The following WBP2NL variants were observed in gnomAD, a reference collection of about 807,000 sequenced individuals.
WBP2NL encodes the protein postacrosomal sheath WW domain-binding protein.
In WBP2NL, 27 loss-of-function variants were observed where a neutral mutation model predicts 23.3. That is an observed-to-expected ratio of 1.16 (90% CI 0.85 to 1.60). The LOEUF is 1.60. Among genes scored for constraint, WBP2NL ranks in the 40% most tolerant of loss-of-function variants. The pLI, the probability that WBP2NL is intolerant of heterozygous loss-of-function variation, is 0.00. For synonymous variants in WBP2NL, 151 were observed against 145.9 expected (o/e 1.03, Z -0.25); for missense variants, 370 against 389.5 (o/e 0.95, Z 0.42).
chr22:42,026,644 T>A (rs1027450220), intron 5 of WBP2NL, 122 bp from the exon 6 acceptor site: 7 of 1,454,734 alleles, frequency 4.8e-6, no homozygotes, highest in Middle Eastern at 2.4e-4. Context: ...GCTTTAGCAT[T>A]ATTCTGCCTG....
chr22:42,020,280 T>G (rs1280020566), intron 4 of WBP2NL, among the ~76,000 whole-genome samples, 184 bp downstream of exon 4: 1 of 152,106 alleles, frequency 6.6e-6, no homozygotes, highest in Non-Finnish European at 1.5e-5. Flanking sequence ...ACTCAAATGA[T>G]CCTCTTGCCT....
chr22:42,056,619 T>A (rs1210220119), intron 8 of WBP2NL, among the ~76,000 whole-genome samples: 3 of 152,210 alleles, frequency 2.0e-5, no homozygotes, highest in African/African-American at 7.2e-5. Flanking sequence ...GCCTTCATTT[T>A]TGAAAGATAG....
chr22:42,041,814 T>C (rs1391507039), intron 8 of WBP2NL, among the ~76,000 whole-genome samples: 1 of 152,216 alleles, frequency 6.6e-6, no homozygotes, highest in Non-Finnish European at 1.5e-5. Context: ...CATTGCTGAT[T>C]AGGATGTTTT....
chr22:42,007,508 A>C (rs1017419888), intron 1 of WBP2NL, among the ~76,000 whole-genome samples: 1 of 152,186 alleles, frequency 6.6e-6, no homozygotes, highest in African/African-American at 2.4e-5. Context: ...CTGAGTGCCC[A>C]CTTCACCATA....
intron 8 of WBP2NL, among the ~76,000 whole-genome samples, chr22:42,046,930 A>C (rs1403816018): frequency 6.6e-6 from 1 of 152,198 alleles, no homozygotes; most frequent in Non-Finnish European, 1.5e-5. Flanking sequence ...ATACACTCCT[A>C]AATCAGTGTG....
intron 8 of WBP2NL, among the ~76,000 whole-genome samples, chr22:42,057,760 A>C (rs1926097233): frequency 6.7e-6 from 1 of 148,922 alleles, no homozygotes. Context: ...GCAAAAACTG[A>C]ACATAGATTG....
At chr22:42,006,283 C>T (rs368872016) in intron 1 of WBP2NL, among the ~76,000 whole-genome samples, 1 of 151,164 alleles carries the variant, frequency 6.6e-6, no homozygotes, top group Non-Finnish European at 1.5e-5. Context: ...TGCAGTGGCA[C>T]GATCTCCGCT....
rs563141209 is a variant in WBP2NL at position 42,001,509 on chromosome 22, A to T, written c.62+2629A>T. The T allele has an allele frequency of 3.0e-6, 3 of 990,776 alleles. No homozygotes were observed. The Admixed American group carries it at 5.3e-5, about 17-fold the overall frequency. The allele number at this position is 990,776 out of a possible 1,614,324, so 61.4% of individuals were successfully genotyped here. A position where few individuals can be genotyped will look rare whatever the true frequency, so the allele number is the denominator to read the frequency against. On this transcript the variant is annotated intron_variant, in intron 1 of 5. Coordinates refer to ENST00000328823, the MANE Select transcript of WBP2NL (RefSeq NM_152613.3). Reference sequence around the variant, plus strand: ...ACTAGGCAGTCACCGAAACCTCGCAATTCCCTTTCAGCTCCAGCTTTGCCC... The same window carrying T: ...ACTAGGCAGTCACCGAAACCTCGCATTTCCCTTTCAGCTCCAGCTTTGCCC...
chr22:42,050,333 T>G (rs1038858428), intron 8 of WBP2NL, among the ~76,000 whole-genome samples: 3 of 150,120 alleles, frequency 2.0e-5, no homozygotes, highest in Admixed American at 6.6e-5. Flanking sequence ...ACTCAATAAT[T>G]AAAAAAACAA....
At chr22:42,006,953 C>G (rs536066968) in intron 1 of WBP2NL, among the ~76,000 whole-genome samples, 1 of 152,158 alleles carries the variant, frequency 6.6e-6, no homozygotes, top group Non-Finnish European at 1.5e-5. Context: ...TGCTGGAAAC[C>G]TGTCATTATA....
downstream of WBP2NL, chr22:42,032,116 C>G (rs1408608935): frequency 6.6e-6 from 1 of 152,186 alleles, no homozygotes; most frequent in East Asian, 1.9e-4. Context: ...CTCACAAATC[C>G]TAAGATTATG....
chr22:42,000,145 A>G (rs1163643936), intron 1 of WBP2NL, among the ~76,000 whole-genome samples: 4 of 152,212 alleles, frequency 2.6e-5, no homozygotes, highest in Admixed American at 2.6e-4. Context: ...CAGCACACTC[A>G]GGTCAGTTTG....
intron 1 of WBP2NL, chr22:42,003,158 C>CAAAA: frequency 1.4e-5 from 2 of 140,072 alleles, no homozygotes; most frequent in Non-Finnish European, 1.5e-5. Flanking sequence ...AACTCCATCT[C>CAAAA]AAAAAAAAAA....
chr22:42,042,463 G>A (rs540800675), intron 8 of WBP2NL, among the ~76,000 whole-genome samples: 5 of 151,994 alleles, frequency 3.3e-5, no homozygotes, highest in South Asian at 2.1e-4. Context: ...ATTGCATTTT[G>A]TAGTTCAGTC....
rs2301521 is a variant in WBP2NL, at chr22:42,027,106, G to C, written c.855G>C (p.Gln285His). Reference protein sequence around the residue: ...ASPAGSGARPQESTAAQAPEN... With the variant: ...ASPAGSGARPHESTAAQAPEN... ...CTGCTGGATCAGGAGCCAGGCCTCA[G>C]GAATCTACAGCAGCCCAGGCTCCTG... Residue 285 changes from glutamine (Q) to histidine (H), a missense_variant, in exon 6 of 6, where the codon CAG becomes CAC. Coordinates refer to ENST00000328823, the MANE Select transcript of WBP2NL (RefSeq NM_152613.3). 0.69 allele frequency: 1,115,793 copies of C among 1,614,100 alleles called. 389,221 individuals are homozygous for C. Among genetic ancestry groups the C allele is most frequent in the African/African-American group, 0.91 (68,264 of 75,062 alleles).
chr22:42,020,908 A>ATTTT lies in WBP2NL; in HGVS notation c.406+838_406+841dup, dbSNP rs1161784270. ...TATATATATATATATATATATATAT[A>ATTTT]TTTTTTTTTTTTTTTTTTTTTTTTT... On this transcript the variant is annotated intron_variant, in intron 4 of 5. Coordinates refer to ENST00000328823, the MANE Select transcript of WBP2NL (RefSeq NM_152613.3). 1.1e-3 allele frequency among the ~76,000 whole-genome samples: 12 copies of ATTTT among 11,230 alleles called. 3 individuals carry two copies. The highest frequency in any genetic ancestry group is 7.0e-3 in the Admixed American group (4 of 568). The allele number at this position is 11,230 out of a possible 152,430, so 7.4% of individuals were successfully genotyped here.
intron 1 of WBP2NL, among the ~76,000 whole-genome samples, chr22:42,008,171 C>CCTTTCCTTTCCTTTCCTT (rs58536145): frequency 1.4e-5 from 2 of 141,684 alleles, no homozygotes; most frequent in East Asian, 2.2e-4. Context: ...CCTTTCCTTT[C>CCTTTCCTTTCCTTTCCTT]TCCCTCCCTT....
At chr22:42,039,285 A>G (rs908474815) in intron 8 of WBP2NL, among the ~76,000 whole-genome samples, 2 of 151,406 alleles carry the variant, frequency 1.3e-5, no homozygotes, top group Non-Finnish European at 2.9e-5. Flanking sequence ...CATGTTGGAC[A>G]GGCTGGTGTC....
intron 1 of WBP2NL, among the ~76,000 whole-genome samples, chr22:42,017,018 A>G (rs993863991): frequency 6.6e-6 from 1 of 152,172 alleles, no homozygotes; most frequent in Non-Finnish European, 1.5e-5. Context: ...GCTTCTCCCA[A>G]GTATGCAGTT....
Sources: gnomAD v4.1 joint callset for allele counts (sites outside exome capture counted in the v4.1 genomes callset) on GRCh38, gnomAD v4.1.1 for gene constraint, MANE v1.5 for transcripts, NCBI Gene and HGNC (gene_info 2026-07-23, HGNC 2026-07-21) for gene names.